The following MBD5 variants were observed in gnomAD, a reference collection of about 807,000 sequenced individuals.
MBD5 encodes the protein methyl-CpG binding domain protein 5, also known as methyl-CpG-binding domain protein 5.
A neutral mutation model predicts 117.3 loss-of-function variants in MBD5; 13 were observed. The observed-to-expected ratio is 0.11, with a 90% CI of 0.07 to 0.18. The LOEUF is 0.18. Among genes scored for constraint, MBD5 ranks in the 10% least tolerant of loss-of-function variants. The pLI is 1.00. For synonymous variants in MBD5, 727 were observed against 766.4 expected, an observed-to-expected ratio of 0.95 and a Z score of 0.85; for missense variants, 1,879 against 2,093.8, an observed-to-expected ratio of 0.90 and a Z score of 2.00.
At chr2:148,251,936 A>G (rs16828491) in intron 3 of MBD5, among the ~76,000 whole-genome samples, 15,217 of 152,228 alleles carry the variant, frequency 0.1, 815 homozygotes, top group South Asian at 0.15. Context: ...TTTAGAAGTT[A>G]CATGAATAAT....
chr2:148,447,137 GA>G (rs950894958), intron 4 of MBD5, among the ~76,000 whole-genome samples: 21 of 147,874 alleles, frequency 1.4e-4, no homozygotes, highest in Admixed American at 2.7e-4. Context: ...AAGAAAGAGA[GA>G]GAGAGAAAGA....
chr2:148,440,091 A>G (rs1706273745), intron 4 of MBD5, among the ~76,000 whole-genome samples: 1 of 152,136 alleles, frequency 6.6e-6, no homozygotes, highest in African/African-American at 2.4e-5. Context: ...GATCTTACGA[A>G]TTTTTACTAA....
At chr2:148,139,841 T>C (rs1574055814) in intron 1 of MBD5, among the ~76,000 whole-genome samples, 1 of 152,168 alleles carries the variant, frequency 6.6e-6, no homozygotes, top group South Asian at 2.1e-4. Flanking sequence ...CCCCAACATA[T>C]CCTGTTCACC....
At chr2:148,383,442 T>C (rs1159115345) in intron 4 of MBD5, among the ~76,000 whole-genome samples, 14 of 152,030 alleles carry the variant, frequency 9.2e-5, no homozygotes, top group Admixed American at 9.2e-4. Flanking sequence ...AATAACAGGC[T>C]CTGAGATTGA....
intron 1 of MBD5, among the ~76,000 whole-genome samples, chr2:148,066,313 G>A (rs1162272826): frequency 6.6e-6 from 1 of 152,000 alleles, no homozygotes; most frequent in African/African-American, 2.4e-5. Context: ...CCCTGTCTCA[G>A]TCAGTCAGTC....
chr2:148,421,111 C>T (rs1256297839), intron 4 of MBD5, among the ~76,000 whole-genome samples: 3 of 152,180 alleles, frequency 2.0e-5, no homozygotes, highest in African/African-American at 7.2e-5. Context: ...CCGTTTAATA[C>T]TGCCTGTGAG....
chr2:148,367,998 A>G (rs1453150211), intron 4 of MBD5, among the ~76,000 whole-genome samples: 1 of 152,212 alleles, frequency 6.6e-6, no homozygotes, highest in Non-Finnish European at 1.5e-5. Context: ...AGGATTATAA[A>G]TCATTCTACT....
chr2:148,493,127 T>C (rs1374507436), intron 11 of MBD5, among the ~76,000 whole-genome samples: 3 of 152,226 alleles, frequency 2.0e-5, no homozygotes, highest in African/African-American at 7.2e-5. Flanking sequence ...CAAATCTGTT[T>C]ATTATAGTAA....
intron 4 of MBD5, among the ~76,000 whole-genome samples, chr2:148,448,753 G>T (rs573299240): frequency 9.2e-5 from 14 of 151,976 alleles, no homozygotes; most frequent in African/African-American, 3.4e-4. Flanking sequence ...TCATCCTACA[G>T]GTTTGGGAAT....
chr2:148,229,781 G>A (rs1699936168), intron 2 of MBD5, among the ~76,000 whole-genome samples: 1 of 152,100 alleles, frequency 6.6e-6, no homozygotes, highest in Non-Finnish European at 1.5e-5. Flanking sequence ...TGATGGTCCT[G>A]GACAACATCC....
At chr2:148,289,954 CTTTT>C (rs70995304) in intron 3 of MBD5, among the ~76,000 whole-genome samples, 29 of 99,200 alleles carry the variant, frequency 2.9e-4, no homozygotes, top group Admixed American at 6.6e-4. Flanking sequence ...CATGTATTAC[CTTTT>C]TTTTTTTTTT....
At chr2:148,348,289 G>T (rs1703172206) in intron 4 of MBD5, among the ~76,000 whole-genome samples, 1 of 151,872 alleles carries the variant, frequency 6.6e-6, no homozygotes, top group Non-Finnish European at 1.5e-5. Context: ...AATCTAGATT[G>T]CCCAAACAGT....
rs573586974 is a variant in MBD5 at position 148,066,946 on chromosome 2, G to A, written c.-925+45262G>A. On this transcript the variant is annotated intron_variant, in intron 1 of 13. Coordinates refer to ENST00000642680, the MANE Select transcript of MBD5 (RefSeq NM_001378120.1). ...GCACCCACCCAATTTTGTACTCTCT[G>A]TCATTGTATTAGAATTTTGAGAGAA... Among the ~76,000 whole-genome samples the A allele has an allele frequency of 4.6e-5, 7 of 152,270 alleles. No individual in the cohort carries two copies. In the South Asian group the frequency reaches 1.4e-3, roughly 32 times the overall value.
chr2:148,384,513 T>A (rs1232764693), intron 4 of MBD5, among the ~76,000 whole-genome samples: 3 of 152,130 alleles, frequency 2.0e-5, no homozygotes, highest in Non-Finnish European at 4.4e-5. Flanking sequence ...GAAGAATAAA[T>A]ATCGTGAAAA....
intron 4 of MBD5, among the ~76,000 whole-genome samples, chr2:148,452,947 A>G (rs1706773001): frequency 6.6e-6 from 1 of 152,206 alleles, no homozygotes; most frequent in African/African-American, 2.4e-5. Flanking sequence ...CTAAAATTTT[A>G]TAAGCCCACA....
intron 1 of MBD5, among the ~76,000 whole-genome samples, chr2:148,161,934 T>C (rs1302433530): frequency 2.0e-5 from 3 of 152,198 alleles, no homozygotes; most frequent in South Asian, 4.1e-4. Context: ...GAACTATCAC[T>C]GTGGTAATTA....
intron 3 of MBD5, among the ~76,000 whole-genome samples, chr2:148,336,410 A>G (rs1260658448): frequency 6.6e-6 from 1 of 152,150 alleles, no homozygotes; most frequent in African/African-American, 2.4e-5. Flanking sequence ...CTTTTGAGAC[A>G]GGATATGGCT....
At chr2:148,203,310 A>T (rs546739320) in intron 2 of MBD5, among the ~76,000 whole-genome samples, 2 of 152,338 alleles carry the variant, frequency 1.3e-5, no homozygotes, top group African/African-American at 4.8e-5. Flanking sequence ...TGTGGGAAAG[A>T]TGGCCTATTT....
intron 3 of MBD5, among the ~76,000 whole-genome samples, chr2:148,287,689 C>T (rs1701395703): frequency 6.6e-6 from 1 of 152,064 alleles, no homozygotes; most frequent in Admixed American, 6.6e-5. Context: ...ACCTACTTGC[C>T]ACATCATCCC....
Sources: allele counts gnomAD v4.1 joint callset (sites outside exome capture counted in the v4.1 genomes callset), GRCh38; gene constraint gnomAD v4.1.1; transcripts MANE v1.5; gene names NCBI Gene and HGNC (gene_info 2026-07-23, HGNC 2026-07-21).